PLD5: variants seen among roughly 807,000 people sequenced by gnomAD.
PLD5 encodes inactive phospholipase D5.
A neutral mutation model predicts 61.1 loss-of-function variants in PLD5; 36 were observed. The observed-to-expected ratio is 0.59, with a 90% confidence interval of 0.45 to 0.78. The LOEUF (loss-of-function observed/expected upper bound fraction) is 0.78. Ranked by LOEUF, PLD5 falls within the 30% of genes least tolerant of loss-of-function variation. The probability of loss-of-function intolerance (pLI) is 0.00; values close to 1 mark genes in which losing one functional copy is unlikely to be tolerated. For synonymous variants in PLD5, 243 were observed against 242.8 expected (o/e 1.00, Z -0.01); for missense variants, 515 against 644.4 (o/e 0.80, Z 2.17).
intron 5 of PLD5, among the ~76,000 whole-genome samples, chr1:242,211,103 T>C (rs1574524799): frequency 6.6e-6 from 1 of 152,172 alleles, no homozygotes; most frequent in Admixed American, 6.5e-5. Context: ...GCTGGGATCA[T>C]CGATGAAGCT....
At chr1:242,394,730 A>G (rs1663317221) in intron 1 of PLD5, among the ~76,000 whole-genome samples, 1 of 70,716 alleles carries the variant, frequency 1.4e-5, no homozygotes, top group Non-Finnish European at 2.5e-5. Context: ...ATGTGAACAT[A>G]TATGTGTATA....
chr1:242,321,038 A>G (rs1292648031), intron 2 of PLD5, among the ~76,000 whole-genome samples: 1 of 152,224 alleles, frequency 6.6e-6, no homozygotes. Context: ...ACATTCTACT[A>G]TCAACCGAAA....
chr1:242,384,398 A>G (rs1662476885), intron 1 of PLD5, among the ~76,000 whole-genome samples: 1 of 152,192 alleles, frequency 6.6e-6, no homozygotes, highest in Non-Finnish European at 1.5e-5. Context: ...TGAAAGATGT[A>G]TTCTCTCTGC....
At chr1:242,387,648 CTAT>C (rs527637086) in intron 1 of PLD5, among the ~76,000 whole-genome samples, 50,268 of 142,776 alleles carry the variant, frequency 0.35, 7,322 homozygotes, top group East Asian at 0.44. Flanking sequence ...AAAATTTTAT[CTAT>C]TTTATATAAA....
intron 3 of PLD5, among the ~76,000 whole-genome samples, chr1:242,280,483 C>T (rs1674661880): frequency 1.3e-5 from 2 of 152,158 alleles, no homozygotes; most frequent in South Asian, 4.1e-4. Context: ...AATAGACAAA[C>T]TAGACGGTAG....
intron 9 of PLD5, among the ~76,000 whole-genome samples, chr1:242,093,173 T>C (rs1376569407): frequency 6.6e-6 from 1 of 152,150 alleles, no homozygotes; most frequent in African/African-American, 2.4e-5. Flanking sequence ...GCGTTCCTGA[T>C]CGTGTGCTCT....
intron 4 of PLD5, among the ~76,000 whole-genome samples, chr1:242,246,518 A>ACACACACACACACAC (rs1256880675): frequency 1.4e-5 from 1 of 73,634 alleles, no homozygotes; most frequent in Non-Finnish European, 3.3e-5. Context: ...CACACACACA[A>ACACACACACACACAC]AAGCAAAATC....
intron 2 of PLD5, among the ~76,000 whole-genome samples, chr1:242,325,984 C>T (rs1420918538): frequency 1.3e-5 from 2 of 152,056 alleles, no homozygotes; most frequent in Admixed American, 6.6e-5. Flanking sequence ...AACTGCTGGG[C>T]GTAAGTGATC....
At chr1:242,467,509 A>T (rs1296713964) in intron 1 of PLD5, among the ~76,000 whole-genome samples, 1 of 152,236 alleles carries the variant, frequency 6.6e-6, no homozygotes, top group Non-Finnish European at 1.5e-5. Flanking sequence ...TAGTCTTCTT[A>T]GAATTCCTGT....
At chr1:242,524,943 C>G (rs547971722), upstream of PLD5, among the ~76,000 whole-genome samples, 2 of 152,108 alleles carry the variant, frequency 1.3e-5, no homozygotes, top group East Asian at 3.9e-4. Flanking sequence ...AAGTGAGCGC[C>G]GTCTCCGCGC....
intron 1 of PLD5, among the ~76,000 whole-genome samples, chr1:242,470,304 T>C (rs1056092620): frequency 2.7e-5 from 4 of 147,742 alleles, no homozygotes; most frequent in Non-Finnish European, 5.9e-5. Context: ...ATCGCACCAC[T>C]GCACTCCAGC....
intron 2 of PLD5, among the ~76,000 whole-genome samples, chr1:242,329,634 A>G (rs1221722908): frequency 6.6e-6 from 1 of 152,198 alleles, no homozygotes; most frequent in Non-Finnish European, 1.5e-5. Context: ...CCCCTTTTGT[A>G]TATCTTGACT....
intron 4 of PLD5, among the ~76,000 whole-genome samples, chr1:242,243,541 G>A (rs1475129297): frequency 6.6e-6 from 1 of 152,180 alleles, no homozygotes; most frequent in African/African-American, 2.4e-5. Flanking sequence ...GGAAACTCAA[G>A]CCAGGAAATA....
intron 4 of PLD5, among the ~76,000 whole-genome samples, chr1:242,247,203 C>T (rs1000468973): frequency 2.0e-5 from 3 of 152,038 alleles, no homozygotes; most frequent in Non-Finnish European, 4.4e-5. Context: ...AGGATGGTCT[C>T]CATCTCCTGA....
chr1:242,188,309 A>C (rs1468507137), intron 5 of PLD5, among the ~76,000 whole-genome samples: 1 of 152,176 alleles, frequency 6.6e-6, no homozygotes, highest in Admixed American at 6.5e-5. Flanking sequence ...GGATAGGGGA[A>C]AGGGAGAAAT....
At chr1:242,521,156 T>C (rs937005400) in intron 1 of PLD5, among the ~76,000 whole-genome samples, 22 of 152,348 alleles carry the variant, frequency 1.4e-4, no homozygotes, top group Middle Eastern at 3.4e-3. Context: ...TCTTATTCAT[T>C]ATTTTAGTAT....
intron 5 of PLD5, among the ~76,000 whole-genome samples, chr1:242,144,516 C>T (rs1664412260): frequency 6.6e-6 from 1 of 152,190 alleles, no homozygotes; most frequent in Non-Finnish European, 1.5e-5. Flanking sequence ...GTGCGTGGCT[C>T]ATGCCTGTAA....
chr1:242,309,632 C>T (rs1387742747), intron 2 of PLD5, among the ~76,000 whole-genome samples: 1 of 150,862 alleles, frequency 6.6e-6, no homozygotes, highest in Non-Finnish European at 1.5e-5. Flanking sequence ...CCTCGGCCTC[C>T]CAAAGTGCTG....
At chr1:242,452,813 C>T (rs1298174613) in intron 1 of PLD5, among the ~76,000 whole-genome samples, 1 of 151,986 alleles carries the variant, frequency 6.6e-6, no homozygotes, top group African/African-American at 2.4e-5. Context: ...CAGACCCTGC[C>T]CCCCACCCCT....
Sources: gnomAD v4.1 joint callset for allele counts (sites outside exome capture counted in the v4.1 genomes callset) on GRCh38, gnomAD v4.1.1 for gene constraint, MANE v1.5 for transcripts, NCBI Gene and HGNC (gene_info 2026-07-23, HGNC 2026-07-21) for gene names.